GPC5: variants seen among roughly 807,000 people sequenced by gnomAD.
The protein encoded by GPC5 is glypican-5.
Under a neutral mutation model 53.9 loss-of-function variants are expected in GPC5, and 47 were observed. The observed-to-expected ratio is 0.87, with a 90% CI of 0.69 to 1.11. The LOEUF (loss-of-function observed/expected upper bound fraction) is 1.11. Among genes scored for constraint, GPC5 ranks in the 50% most tolerant of loss-of-function variants. The pLI, the probability that GPC5 is intolerant of heterozygous loss-of-function variation, is 0.00. For missense variants in GPC5, 748 were observed against 713.1 expected (o/e 1.05, Z -0.56); for synonymous variants, 286 against 263.3 (o/e 1.09, Z -0.84).
intron 7 of GPC5, among the ~76,000 whole-genome samples, chr13:92,317,049 C>CAA (rs757635560): frequency 5.9e-5 from 9 of 152,206 alleles, no homozygotes; most frequent in Non-Finnish European, 8.8e-5. Context: ...ATACTACAAG[C>CAA]AATTATATTC....
intron 7 of GPC5, among the ~76,000 whole-genome samples, chr13:92,235,447 A>T (rs1440213220): frequency 2.6e-5 from 4 of 152,064 alleles, no homozygotes; most frequent in Admixed American, 6.6e-5. Context: ...ATTTATAAGG[A>T]TGTTTTCCTC....
At chr13:92,313,754 A>G (rs983110952) in intron 7 of GPC5, among the ~76,000 whole-genome samples, 11 of 152,168 alleles carry the variant, frequency 7.2e-5, no homozygotes, top group African/African-American at 1.9e-4. Flanking sequence ...TCCAGAATTT[A>G]TCAATTTTCC....
At chr13:92,539,520 A>AT (rs1218389971) in intron 7 of GPC5, among the ~76,000 whole-genome samples, 1 of 151,274 alleles carries the variant, frequency 6.6e-6, no homozygotes, top group Non-Finnish European at 1.5e-5. Context: ...GGGGTTGTTT[A>AT]TTTTTTTCTT....
At chr13:92,097,217 C>A (rs2041428806) in intron 6 of GPC5, among the ~76,000 whole-genome samples, 1 of 152,162 alleles carries the variant, frequency 6.6e-6, no homozygotes, top group Non-Finnish European at 1.5e-5. Context: ...AAGGAGAACA[C>A]ATAAATTGTA....
rs1594019031 is a variant in GPC5 at position 92,231,656 on chromosome 13, C to A, written c.1561+86667C>A. ...GTCTGATTAAAAGAAAAAACAAAAA[C>A]CAGAATGCAAAGTAGAAATTCCCAA... On this transcript the variant is annotated intron_variant, in intron 7 of 7. Transcript: ENST00000377067. Among the ~76,000 whole-genome samples, 3 of 149,176 alleles carry A rather than the reference C, an allele frequency of 2.0e-5. No individual in the cohort carries two copies. The South Asian group carries it at 6.2e-4, about 31-fold the overall frequency.
At chr13:92,064,764 A>AAAAAAAAAAAAAAAAAAAAAAAAAAAAC (rs1555308147) in intron 6 of GPC5, among the ~76,000 whole-genome samples, 2 of 138,366 alleles carry the variant, frequency 1.4e-5, no homozygotes, top group Non-Finnish European at 3.2e-5. Context: ...CTCAAAAAAA[A>AAAAAAAAAAAAAAAAAAAAAAAAAAAAC]AAAACAAAAC....
At chr13:92,355,802 A>G (rs2043516492) in intron 7 of GPC5, among the ~76,000 whole-genome samples, 1 of 147,032 alleles carries the variant, frequency 6.8e-6, no homozygotes, top group Non-Finnish European at 1.5e-5. Context: ...ACTACTCACC[A>G]CCTCCTTCAT....
intron 2 of GPC5, among the ~76,000 whole-genome samples, chr13:91,526,216 G>A (rs1394151202): frequency 6.6e-6 from 1 of 152,180 alleles, no homozygotes; most frequent in African/African-American, 2.4e-5. Flanking sequence ...ATACATTGCT[G>A]CATCTTTTAC....
chr13:92,085,253 A>T (rs556417051), intron 6 of GPC5, among the ~76,000 whole-genome samples: 1 of 152,352 alleles, frequency 6.6e-6, no homozygotes, highest in South Asian at 2.1e-4. Context: ...ACAGATTGAG[A>T]TTCAGTAAAG....
intron 6 of GPC5, among the ~76,000 whole-genome samples, chr13:92,041,448 C>A (rs922462456): frequency 3.3e-5 from 5 of 152,194 alleles, no homozygotes; most frequent in African/African-American, 9.6e-5. Flanking sequence ...GCAGAAGACT[C>A]ACTTGTACAA....
At position 92,328,797 on chromosome 13, in the gene GPC5, G is replaced by A. The variant is rs188901648; in HGVS notation, c.1561+183808G>A. On this transcript the variant is annotated intron_variant, in intron 7 of 7. Coordinates refer to ENST00000377067, the MANE Select transcript of GPC5 (RefSeq NM_004466.6). ...ACCTATTTCAAATTTTCTGGTCCTT[G>A]TGGTGTTTTCTGTATATTTATGGTT... 8.1e-4 allele frequency among the ~76,000 whole-genome samples: 123 copies of A among 152,222 alleles called. 1 individual carries two copies. Among genetic ancestry groups the A allele is most frequent in the African/African-American group, 2.7e-3 (113 of 41,548 alleles).
intron 7 of GPC5, among the ~76,000 whole-genome samples, chr13:92,181,904 A>G (rs1464353447): frequency 1.3e-5 from 2 of 152,240 alleles, no homozygotes; most frequent in African/African-American, 2.4e-5. Flanking sequence ...CAGAAGATTT[A>G]AAGGATAGAT....
intron 7 of GPC5, among the ~76,000 whole-genome samples, chr13:92,474,513 A>G (rs1056038158): frequency 5.3e-5 from 8 of 151,956 alleles, no homozygotes; most frequent in African/African-American, 1.5e-4. Context: ...TGAGATGAAT[A>G]ATATATATTC....
At chr13:92,645,447 C>A (rs1333591013) in intron 7 of GPC5, among the ~76,000 whole-genome samples, 1 of 152,144 alleles carries the variant, frequency 6.6e-6, no homozygotes, top group African/African-American at 2.4e-5. Flanking sequence ...TGTAATCATG[C>A]TTGAAGAAGC....
chr13:92,732,178 A>C (rs1433381259), intron 7 of GPC5, among the ~76,000 whole-genome samples: 2 of 151,546 alleles, frequency 1.3e-5, no homozygotes, highest in Non-Finnish European at 3.0e-5. Flanking sequence ...CTTTCAAAAC[A>C]GTATATGCTC....
intron 2 of GPC5, among the ~76,000 whole-genome samples, chr13:91,628,000 G>A (rs1018676704): frequency 6.6e-5 from 10 of 152,020 alleles, no homozygotes; most frequent in Non-Finnish European, 1.2e-4. Flanking sequence ...CTTTTATTAA[G>A]TATAATTTAC....
intron 6 of GPC5, among the ~76,000 whole-genome samples, chr13:91,921,968 T>A (rs778010862): frequency 1.3e-5 from 2 of 152,028 alleles, no homozygotes; most frequent in Non-Finnish European, 2.9e-5. Context: ...AAGGACCCTG[T>A]CTCAAAACCA....
At chr13:92,308,744 G>A (rs2043127298) in intron 7 of GPC5, among the ~76,000 whole-genome samples, 1 of 152,030 alleles carries the variant, frequency 6.6e-6, no homozygotes, top group Non-Finnish European at 1.5e-5. Context: ...AGAGAGACTC[G>A]ATAGGAGCTT....
chr13:91,654,776 G>A (rs991186903), intron 2 of GPC5, among the ~76,000 whole-genome samples: 1 of 152,120 alleles, frequency 6.6e-6, no homozygotes, highest in Non-Finnish European at 1.5e-5. Flanking sequence ...TATTGCTTGG[G>A]TGTTTTTACC....
Sources: gnomAD v4.1 joint callset for allele counts (sites outside exome capture counted in the v4.1 genomes callset) on GRCh38, gnomAD v4.1.1 for gene constraint, MANE v1.5 for transcripts, NCBI Gene and HGNC (gene_info 2026-07-23, HGNC 2026-07-21) for gene names.